Variants in PRSS21 observed in about 807,000 individuals in gnomAD.
The protein encoded by PRSS21 is serine protease 21, also known as testisin.
In PRSS21, 40 loss-of-function variants were observed where a neutral mutation model predicts 31.1. The observed-to-expected ratio is 1.29, with a 90% CI of 1.00 to 1.68. The LOEUF (loss-of-function observed/expected upper bound fraction) is 1.68, where lower values mean the gene tolerates loss of function less well. Ranked by LOEUF, PRSS21 falls within the 40% of genes most tolerant of loss-of-function variation. The pLI, the probability that PRSS21 is intolerant of heterozygous loss-of-function variation, is 0.00. For missense variants in PRSS21, 467 were observed against 412.6 expected, an observed-to-expected ratio of 1.13 and a Z score of -1.14; for synonymous variants, 186 against 167.7, an observed-to-expected ratio of 1.11 and a Z score of -0.84.
chr16:2,819,997 C>T (rs1041211925), intron 4 of PRSS21, among the ~76,000 whole-genome samples: 6 of 152,154 alleles, frequency 3.9e-5, no homozygotes, highest in South Asian at 2.1e-4. Context: ...GCCAGGGGCA[C>T]GGCCAGGCTG....
In PRSS21 at chr16:2,817,993, G is replaced by A. The variant is rs915414086; in HGVS notation, c.257+27G>A. 3.3e-6 allele frequency: 5 copies of A among 1,537,130 alleles called. No homozygotes were observed. In the African/African-American group the frequency reaches 6.9e-5, roughly 21 times the overall value. On this transcript the variant is annotated intron_variant, in intron 3 of 5. Coordinates refer to ENST00000005995, the MANE Select transcript of PRSS21 (RefSeq NM_006799.4). This position sits in a 1 kb window ranked among gnomAD's most constrained non-coding sequence, Gnocchi z 4.2. ...TGAGTGGGGGTGCGAACGGAGGGGT[G>A]CGGGGACGGGCAGGAACAGGGCTGG...
intron 4 of PRSS21, among the ~76,000 whole-genome samples, chr16:2,820,704 C>T (rs998374042): frequency 6.6e-6 from 1 of 152,188 alleles, no homozygotes; most frequent in Non-Finnish European, 1.5e-5. Flanking sequence ...CAGGCAGGGC[C>T]ATTGTTGCCA....
Position 2,818,763 on chromosome 16 carries a change from AC to A in PRSS21, c.345del (p.Tyr116ThrfsTer11). 6.2e-7 allele frequency: 1 copy of A among 1,613,600 alleles called. No individual in the cohort carries two copies. Among genetic ancestry groups the A allele is most frequent in the Non-Finnish European group, 8.5e-7 (1 of 1,179,526 alleles). On this transcript the variant is annotated frameshift_variant, in exon 4 of 6. Coordinates refer to ENST00000005995, the MANE Select transcript of PRSS21 (RefSeq NM_006799.4). LOFTEE classifies it high-confidence loss of function. ...SMPSFWSLQAYYTRYFVSNIY... is the reference protein window; with the variant it reads ...SMPSFWSLQAXYTRYFVSNIY... The stretch of plus-strand genomic sequence containing the variant: ...CCATCCTTCTGGAGCCTGCAGGCCT[AC>A]TACACCCGTTACTTCGTATCGAATA...
Position 2,817,413 on chromosome 16 carries a change from C to A in PRSS21, c.65-17C>A. ...GGGAGGTGGAGGCCGCGGGGAGTCA[C>A]TTCTTGTCTCCCGCAGAGTCGCAGG... On this transcript the variant is annotated splice_polypyrimidine_tract_variant and intron_variant, in intron 1 of 5. Transcript: ENST00000005995. This position sits in a 1 kb window ranked among gnomAD's most constrained non-coding sequence, Gnocchi z 4.2. The A allele has an allele frequency of 4.4e-6, 7 of 1,596,426 alleles. No homozygotes were observed. The highest frequency in any genetic ancestry group is 6.0e-6 in the Non-Finnish European group (7 of 1,176,050).
Position 2,821,131 on chromosome 16 carries a change from C to T in PRSS21, c.705+22C>T, listed in dbSNP as rs1035523698. 4 of 1,612,882 alleles carry T rather than the reference C, an allele frequency of 2.5e-6. No individual in the cohort carries two copies. The African/African-American group carries it at 4.0e-5, about 16-fold the overall frequency. On this transcript the variant is annotated intron_variant, in intron 5 of 5. Coordinates refer to ENST00000005995, the MANE Select transcript of PRSS21 (RefSeq NM_006799.4). ...CTTCGTGAGTGTCCTTGCCACCACT[C>T]CCAGCCCAGGAAAGCATCCTGTGTC...
In PRSS21 at chr16:2,817,372, G is replaced by A. The variant is rs2069091199; in HGVS notation, c.64+40G>A. ...CTGCTGGCGGGATGGGGAGGCGGGG[G>A]AGCGGTGGGGAGGACGGGAGGTGGA... On this transcript the variant is annotated intron_variant, in intron 1 of 5. Coordinates refer to ENST00000005995, the MANE Select transcript of PRSS21 (RefSeq NM_006799.4). This position sits in a 1 kb window ranked among gnomAD's most constrained non-coding sequence, Gnocchi z 4.2. 1 of 1,580,928 alleles carries A rather than the reference G, an allele frequency of 6.3e-7. No homozygotes were observed. The highest frequency in any genetic ancestry group is 8.6e-7 in the Non-Finnish European group (1 of 1,167,456).
Position 2,817,510 on chromosome 16 carries a change from GGGGGGCGGTGAGGGGGTAGA to G in PRSS21, c.91+60_91+79del. On this transcript the variant is annotated intron_variant, in intron 2 of 5. Coordinates refer to ENST00000005995, the MANE Select transcript of PRSS21 (RefSeq NM_006799.4). The surrounding 1 kb of genome is among the most constrained non-coding windows in gnomAD (Gnocchi z 4.2). ...CCAGGGCCGTTGGGCCGAGGTGGAC[GGGGGGCGGTGAGGGGGTAGA>G]GGGGGGCCTTTACTGCTCTCTCGCC... 1 of 1,463,342 alleles carries G rather than the reference GGGGGGCGGTGAGGGGGTAGA, an allele frequency of 6.8e-7. No individual in the cohort carries two copies. Among genetic ancestry groups the G allele is most frequent in the Non-Finnish European group, 9.1e-7 (1 of 1,104,746 alleles). The allele number at this position is 1,463,342 out of a possible 1,614,324, so 90.6% of individuals were successfully genotyped here. A position where few individuals can be genotyped will look rare whatever the true frequency, so the allele number is the denominator to read the frequency against.
At position 2,817,530 on chromosome 16, in the gene PRSS21, A is replaced by AGCG; in HGVS notation, c.91+75_91+76insCGG. 2.8e-6 allele frequency: 1 copy of AGCG among 355,866 alleles called. No individual in the cohort carries two copies. The highest frequency in any genetic ancestry group is 4.2e-6 in the Non-Finnish European group (1 of 237,422). The allele number at this position is 355,866 out of a possible 1,614,324, so 22.0% of individuals were successfully genotyped here. ...TGGACGGGGGGCGGTGAGGGGGTAGAGGGGGGCCTTTACTGCTCTCTCGCC... is the reference window on the plus strand; with the variant it reads ...TGGACGGGGGGCGGTGAGGGGGTAGAGCGGGGGGGCCTTTACTGCTCTCTCGCC... On this transcript the variant is annotated intron_variant, in intron 2 of 5. Coordinates refer to ENST00000005995, the MANE Select transcript of PRSS21 (RefSeq NM_006799.4). This position sits in a 1 kb window ranked among gnomAD's most constrained non-coding sequence, Gnocchi z 4.2.
Position 2,821,072 on chromosome 16 carries a change from G to T in PRSS21, c.668G>T (p.Cys223Phe), listed in dbSNP as rs1350160309. ...AAGGACATCTTTGGAGACATGGTTT[G>T]TGCTGGCAATGCCCAAGGCGGGAAG... ...FRKDIFGDMV[C>F]AGNAQGGKDA... Residue 223 changes from cysteine to phenylalanine, a missense_variant, in exon 5 of 6, where the codon TGT (cysteine) becomes TTT (phenylalanine). Coordinates refer to ENST00000005995, the MANE Select transcript of PRSS21 (RefSeq NM_006799.4). The T allele has an allele frequency of 1.9e-6, 3 of 1,614,046 alleles. No homozygotes were observed. The highest frequency in any genetic ancestry group is 2.5e-6 in the Non-Finnish European group (3 of 1,180,044).
chr16:2,820,233 A>G (rs1303404025), intron 4 of PRSS21, among the ~76,000 whole-genome samples: 1 of 152,228 alleles, frequency 6.6e-6, no homozygotes, highest in Non-Finnish European at 1.5e-5. Context: ...ATGGTGCCAC[A>G]TCAGAGGCTA....
At chr16:2,819,561 T>C (rs138459324) in intron 4 of PRSS21, among the ~76,000 whole-genome samples, 24 of 152,310 alleles carry the variant, frequency 1.6e-4, no homozygotes, top group African/African-American at 4.3e-4. Flanking sequence ...GCGTGTTCCC[T>C]GTATCAGGAA....
chr16:2,817,397 A>C lies in PRSS21; in HGVS notation c.65-33A>C. The C allele has an allele frequency of 1.9e-6, 3 of 1,593,056 alleles. No homozygotes were observed. The highest frequency in any genetic ancestry group is 2.6e-6 in the Non-Finnish European group (3 of 1,174,110). Reference sequence around the variant, plus strand: ...GAGCGGTGGGGAGGACGGGAGGTGGAGGCCGCGGGGAGTCACTTCTTGTCT... The same window carrying C: ...GAGCGGTGGGGAGGACGGGAGGTGGCGGCCGCGGGGAGTCACTTCTTGTCT... On this transcript the variant is annotated intron_variant, in intron 1 of 5. Transcript: ENST00000005995. The surrounding 1 kb of genome is among the most constrained non-coding windows in gnomAD (Gnocchi z 4.2).
chr16:2,821,453 C>T lies in PRSS21; in HGVS notation c.793C>T (p.Pro265Ser). 1 of 1,614,216 alleles carries T rather than the reference C, an allele frequency of 6.2e-7. No homozygotes were observed. Among genetic ancestry groups the T allele is most frequent in the Non-Finnish European group, 8.5e-7 (1 of 1,180,034 alleles). The change falls in exon 6 of 6, where the codon CCC becomes TCC. Residue 265 changes from proline (P) to serine (S), a missense_variant. Pro to Ser is a moderately conservative substitution (Grantham distance 74). Transcript: ENST00000005995. The part of the protein sequence containing the change: ...VVSWGVGCGR[P>S]NRPGVYTNIS... The stretch of plus-strand genomic sequence containing the variant: ...GAGCTGGGGAGTGGGCTGTGGTCGG[C>T]CCAATCGGCCCGGTGTCTACACCAA...
At position 2,817,622 on chromosome 16, in the gene PRSS21, C is replaced by T; in HGVS notation, c.91+166C>T. ...CTAACGGACGCTGGAGGGGGATGGG[C>T]GGGCCCTGCAGAGCACGTGGGAGGA... is the stretch of plus-strand genomic sequence containing the variant. On this transcript the variant is annotated intron_variant, in intron 2 of 5. Transcript: ENST00000005995. The surrounding 1 kb of genome is among the most constrained non-coding windows in gnomAD (Gnocchi z 4.2). 1.6e-6 allele frequency: 2 copies of T among 1,276,692 alleles called. No homozygotes were observed. Among genetic ancestry groups the T allele is most frequent in the Non-Finnish European group, 2.1e-6 (2 of 941,314 alleles). The allele number at this position is 1,276,692 out of a possible 1,614,324, so 79.1% of individuals were successfully genotyped here.
Position 2,817,932 on chromosome 16 carries a change from C to T in PRSS21, c.223C>T (p.Arg75Cys), listed in dbSNP as rs774890310. ...HVCGVSLLSH[R>C]WALTAAHCFE... is the part of the protein sequence containing the mutation. ...ATGCGGAGTGAGCCTGCTCAGCCAC[C>T]GCTGGGCACTCACGGCGGCGCACTG... The change falls in exon 3 of 6, where the codon CGC becomes TGC. Residue 75 changes from arginine (R) to cysteine (C), a missense_variant. Coordinates refer to ENST00000005995, the MANE Select transcript of PRSS21 (RefSeq NM_006799.4). This position sits in a 1 kb window ranked among gnomAD's most constrained non-coding sequence, Gnocchi z 4.2. 4.5e-6 allele frequency: 7 copies of T among 1,549,402 alleles called. No homozygotes were observed. The highest frequency in any genetic ancestry group is 2.7e-5 in the African/African-American group (2 of 73,018).
At chr16:2,818,620 G>C in intron 3 of PRSS21, 57 bp from the exon 4 acceptor site, 1 of 1,543,190 alleles carries the variant, frequency 6.5e-7, no homozygotes. Context: ...CCCCAGTTGT[G>C]CTCAGGTAGC....
At chr16:2,820,590 CTGCCCCTCCCCCAGGTCTGGCTTTGGA>C (rs2069153784) in intron 4 of PRSS21, among the ~76,000 whole-genome samples, 1 of 152,208 alleles carries the variant, frequency 6.6e-6, no homozygotes, top group Non-Finnish European at 1.5e-5. Flanking sequence ...TGCAGCCAGG[CTGCCCCTCCCCCAGGTCTGGCTTTGGA>C]TGCTCATCTG....
rs1160544673 is a variant in PRSS21, at chr16:2,817,238, G to C, written c.-31G>C. 6.8e-7 allele frequency: 1 copy of C among 1,478,936 alleles called. No individual in the cohort carries two copies. Among genetic ancestry groups the C allele is most frequent in the South Asian group, 1.3e-5 (1 of 76,272 alleles). 91.6% of individuals were successfully genotyped at this position (1,478,936 alleles called of 1,614,324 possible). ...CCCGGGCCCGGCGCGAGAGGAGGCA[G>C]AGGGGGCGTCAGGCCGCGGGAGAGG... On this transcript the variant is annotated 5_prime_UTR_variant, in exon 1 of 6. Coordinates refer to ENST00000005995, the MANE Select transcript of PRSS21 (RefSeq NM_006799.4). This position sits in a 1 kb window ranked among gnomAD's most constrained non-coding sequence, Gnocchi z 4.2.
rs762320377 is a variant in PRSS21 at position 2,818,702 on chromosome 16, G to A, written c.283G>A (p.Gly95Arg). 30 of 1,614,014 alleles carry A rather than the reference G, an allele frequency of 1.9e-5. No individual in the cohort carries two copies. Among genetic ancestry groups the A allele is most frequent in the South Asian group, 1.2e-4 (11 of 91,070 alleles). ...CTATAGTGACCTTAGTGATCCCTCC[G>A]GGTGGATGGTCCAGTTTGGCCAGCT... The part of the protein sequence containing the change: ...ETYSDLSDPS[G>R]WMVQFGQLTS... Residue 95 changes from glycine to arginine, a missense_variant, in exon 4 of 6, where the codon GGG becomes AGG. By Grantham distance (125) the Gly-to-Arg change is moderately radical. Transcript: ENST00000005995.
Sources: gnomAD v4.1 joint callset for allele counts (sites outside exome capture counted in the v4.1 genomes callset) on GRCh38, gnomAD v4.1.1 for gene constraint, Gnocchi (gnomAD v3.1) non-coding constraint, MANE v1.5 for transcripts, NCBI Gene and HGNC (gene_info 2026-07-23, HGNC 2026-07-21) for gene names.